The following UCHL3 variants were observed in gnomAD, a reference collection of about 807,000 sequenced individuals.
UCHL3 encodes ubiquitin C-terminal hydrolase L3.
Under a neutral mutation model 35.8 loss-of-function variants are expected in UCHL3, and 22 were observed. The ratio of observed to expected loss-of-function variants is 0.61; its 90% confidence interval spans 0.44 to 0.88. The LOEUF (loss-of-function observed/expected upper bound fraction) is 0.88, where lower values mean the gene tolerates loss of function less well. UCHL3 is among the 40% of genes least tolerant of loss of function. The pLI, the probability that UCHL3 is intolerant of heterozygous loss-of-function variation, is 0.00. For synonymous variants in UCHL3, 90 were observed against 92.8 expected, an observed-to-expected ratio of 0.97 and a Z score of 0.17; for missense variants, 229 against 276.9, an observed-to-expected ratio of 0.83 and a Z score of 1.23.
At chr13:75,557,096 T>A (rs1200690889) in intron 2 of UCHL3, among the ~76,000 whole-genome samples, 1 of 152,086 alleles carries the variant, frequency 6.6e-6, no homozygotes, top group Non-Finnish European at 1.5e-5. Flanking sequence ...ATGCCTGTAG[T>A]CTCAGCTATC....
chr13:75,565,853 G>A (rs192766969), intron 3 of UCHL3, among the ~76,000 whole-genome samples: 86 of 152,268 alleles, frequency 5.6e-4, no homozygotes, highest in African/African-American at 1.9e-3. Flanking sequence ...GAGATACAGA[G>A]ACATTAAATA....
chr13:75,573,788 G>A (rs1191092507), intron 6 of UCHL3, among the ~76,000 whole-genome samples: 1 of 152,172 alleles, frequency 6.6e-6, no homozygotes, highest in East Asian at 1.9e-4. Context: ...GGGCTTCAAC[G>A]TATGAATTTG....
At chr13:75,550,608 G>A (rs914775693) in intron 2 of UCHL3, among the ~76,000 whole-genome samples, 2 of 151,396 alleles carry the variant, frequency 1.3e-5, no homozygotes, top group Non-Finnish European at 1.5e-5. Context: ...CCTTCTGGGT[G>A]TTGGAGGTTG....
intron 6 of UCHL3, among the ~76,000 whole-genome samples, chr13:75,592,447 T>TATATATATATATAC (rs2032524769): frequency 9.3e-6 from 1 of 107,846 alleles, no homozygotes; most frequent in African/African-American, 3.3e-5. Context: ...TATATATATA[T>TATATATATATATAC]ATATATATAT....
At chr13:75,560,260 T>C (rs2031448846) in intron 2 of UCHL3, among the ~76,000 whole-genome samples, 1 of 152,208 alleles carries the variant, frequency 6.6e-6, no homozygotes, top group Non-Finnish European at 1.5e-5. Context: ...TTATTTACTA[T>C]AACTTAAATG....
chr13:75,590,347 C>A, intron 6 of UCHL3: 3 of 638,144 alleles, frequency 4.7e-6, no homozygotes, highest in Non-Finnish European at 5.8e-6. Context: ...CCATATCCTG[C>A]CAACATAACG....
At chr13:75,554,305 C>G (rs992280770) in intron 2 of UCHL3, among the ~76,000 whole-genome samples, 1 of 152,170 alleles carries the variant, frequency 6.6e-6, no homozygotes, top group African/African-American at 2.4e-5. Flanking sequence ...CCTCAAACAA[C>G]TAGTTCCTTC....
intron 2 of UCHL3, among the ~76,000 whole-genome samples, chr13:75,551,574 A>G (rs1368104655): frequency 1.3e-5 from 2 of 152,216 alleles, no homozygotes; most frequent in Admixed American, 6.5e-5. Flanking sequence ...AATATTAGCA[A>G]ATAGAATGCA....
intron 6 of UCHL3, among the ~76,000 whole-genome samples, chr13:75,575,239 T>A (rs527380002): frequency 6.6e-6 from 1 of 152,182 alleles, no homozygotes; most frequent in Non-Finnish European, 1.5e-5. Context: ...CTTTTCTCCA[T>A]CCCACCGTGA....
intron 2 of UCHL3, among the ~76,000 whole-genome samples, chr13:75,555,551 G>A (rs576343038): frequency 4.8e-4 from 73 of 152,004 alleles, no homozygotes; most frequent in African/African-American, 1.5e-3. Context: ...TCTTTAATGC[G>A]GTCATGAATC....
chr13:75,566,407 T>C (rs1463174876), intron 3 of UCHL3, among the ~76,000 whole-genome samples: 1 of 152,238 alleles, frequency 6.6e-6, no homozygotes, highest in Non-Finnish European at 1.5e-5. Flanking sequence ...TATGAGAATT[T>C]AAAATGTTAA....
chr13:75,602,669 A>G (rs568239846), intron 7 of UCHL3, among the ~76,000 whole-genome samples: 1 of 152,296 alleles, frequency 6.6e-6, no homozygotes, highest in African/African-American at 2.4e-5. Context: ...TTTTCTGTGA[A>G]GGACCAAGTA....
At chr13:75,573,266 GA>G (rs59697323) in intron 6 of UCHL3, among the ~76,000 whole-genome samples, 109,160 of 129,390 alleles carry the variant, frequency 0.84, 45,757 homozygotes, top group East Asian at 0.96. Context: ...CTCTGTCTCA[GA>G]AAAAAAAAAA....
rs539930124 is a variant in UCHL3, at chr13:75,589,178, C to G, written c.475-5737C>G. 3.1e-4 allele frequency among the ~76,000 whole-genome samples: 47 copies of G among 152,186 alleles called. No homozygotes were observed. In the South Asian group the frequency reaches 3.9e-3, roughly 13 times the overall value. ...TGGGTCTGAATCCCGGTTCTGTTAC[C>G]TACTGGCAATGTGACCTTGGTTATG... is the stretch of plus-strand genomic sequence containing the variant. On this transcript the variant is annotated intron_variant, in intron 6 of 8. Coordinates refer to ENST00000377595, the MANE Select transcript of UCHL3 (RefSeq NM_006002.5).
intron 7 of UCHL3, among the ~76,000 whole-genome samples, chr13:75,598,943 T>C (rs1346460806): frequency 6.6e-6 from 1 of 152,220 alleles, no homozygotes; most frequent in Admixed American, 6.5e-5. Flanking sequence ...CAGAATGGAC[T>C]CATGGATTCC....
At chr13:75,567,581 T>C (rs1363111654) in intron 5 of UCHL3, among the ~76,000 whole-genome samples, 2 of 151,924 alleles carry the variant, frequency 1.3e-5, no homozygotes, top group African/African-American at 2.4e-5. Flanking sequence ...GCAGTCTCGC[T>C]CTGCCGCCCA....
In UCHL3 at chr13:75,567,297, C is replaced by A. The variant is rs1248572215; in HGVS notation, c.411C>A (p.Tyr137Ter). The A allele has an allele frequency of 6.2e-7, 1 of 1,613,982 alleles. No homozygotes were observed. Among genetic ancestry groups the A allele is most frequent in the Non-Finnish European group, 8.5e-7 (1 of 1,180,016 alleles). The change falls in exon 5 of 9, where the codon TAC (tyrosine) becomes TAA (stop). Residue 137 changes from tyrosine to a stop codon, truncating the protein, a stop_gained. Transcript: ENST00000377595. LOFTEE classifies it high-confidence loss of function. ...TGAGCCCTGAAGAACGAGCCAGATA[C>A]CTGGAGAACTATGATGTCGGTACCT... is the stretch of plus-strand genomic sequence containing the variant. ...VSMSPEERAR[Y>*]LENYDAIRVT...
chr13:75,580,562 C>G (rs181494317), intron 6 of UCHL3, among the ~76,000 whole-genome samples: 1 of 152,300 alleles, frequency 6.6e-6, no homozygotes, highest in East Asian at 1.9e-4. Flanking sequence ...CTCCCTCTCC[C>G]TCTCCTCAAA....
chr13:75,586,320 T>A (rs1057308564), intron 6 of UCHL3, among the ~76,000 whole-genome samples: 1 of 152,006 alleles, frequency 6.6e-6, no homozygotes, highest in Non-Finnish European at 1.5e-5. Flanking sequence ...AGACATAGCA[T>A]ACACGTAACA....
Sources: gnomAD v4.1 joint callset for allele counts (sites outside exome capture counted in the v4.1 genomes callset) on GRCh38, gnomAD v4.1.1 for gene constraint, MANE v1.5 for transcripts, NCBI Gene and HGNC (gene_info 2026-07-23, HGNC 2026-07-21) for gene names.